Variants in UBL7 observed in about 807,000 individuals in gnomAD.
The protein encoded by UBL7 is ubiquitin-like protein 7.
UBL7 carries 21 observed loss-of-function variants against 41.7 expected under a neutral mutation model. The observed-to-expected ratio is 0.50, with a 90% CI of 0.36 to 0.73. The LOEUF is 0.73. UBL7 is among the 30% of genes least tolerant of loss of function. The pLI is 0.00. For missense variants in UBL7, 403 were observed against 478.4 expected, an observed-to-expected ratio of 0.84 and a Z score of 1.47; for synonymous variants, 157 against 186.9, an observed-to-expected ratio of 0.84 and a Z score of 1.31.
intron 5 of UBL7, 120 bp from the exon 6 acceptor site, chr15:74,450,979 A>G: frequency 9.7e-7 from 1 of 1,035,316 alleles, no homozygotes; most frequent in Non-Finnish European, 1.5e-6. Context: ...GCCAATCTTC[A>G]TGAGAAGTAG....
chr15:74,445,994 T>G lies in UBL7; in HGVS notation c.*96A>C. On this transcript the variant is annotated 3_prime_UTR_variant, in exon 11 of 11. Transcript: ENST00000395081. ...CAAAGCAGGAGAGTTGACCATCAGG[T>G]ATATTGGGGAAGGGAGAGATGGAGG... 5.4e-6 allele frequency: 8 copies of G among 1,472,628 alleles called. No homozygotes were observed. Among genetic ancestry groups the G allele is most frequent in the Non-Finnish European group, 6.4e-6 (7 of 1,087,562 alleles). The allele number at this position is 1,472,628 out of a possible 1,614,324, so 91.2% of individuals were successfully genotyped here.
chr15:74,453,415 C>CCAGGAACACAAAGGCAGA (rs2061267643), intron 3 of UBL7, among the ~76,000 whole-genome samples: 1 of 151,872 alleles, frequency 6.6e-6, no homozygotes, highest in Non-Finnish European at 1.5e-5. Context: ...AGCTAGGGTA[C>CCAGGAACACAAAGGCAGA]CAGGAACACA....
In UBL7 at chr15:74,458,847, G is replaced by C; in HGVS notation, c.21C>G (p.His7Gln). The C allele has an allele frequency of 2.5e-6, 4 of 1,611,954 alleles. No individual in the cohort carries two copies. Among genetic ancestry groups the C allele is most frequent in the Non-Finnish European group, 3.4e-6 (4 of 1,180,030 alleles). ...GCTGGTCAGCCAGCTTCACCGCCAGGTGCCAGTCTGAGAGAGACATCCTCT... is the reference window on the plus strand; with the variant it reads ...GCTGGTCAGCCAGCTTCACCGCCAGCTGCCAGTCTGAGAGAGACATCCTCT... MSLSDWHLAVKLADQPL... is the reference protein window; with the variant it reads MSLSDWQLAVKLADQPL... The change falls in exon 2 of 11, where the codon CAC (histidine) becomes CAG (glutamine). Residue 7 changes from histidine (H) to glutamine (Q), a missense_variant. His to Gln is a conservative substitution (Grantham distance 24). Coordinates refer to ENST00000395081, the MANE Select transcript of UBL7 (RefSeq NM_032907.5).
intron 2 of UBL7, among the ~76,000 whole-genome samples, chr15:74,457,199 T>G (rs1214676170): frequency 1.9e-4 from 29 of 152,204 alleles, no homozygotes. Context: ...GGCTCACACC[T>G]ATAAACCCAG....
At position 74,461,079 on chromosome 15, in the gene UBL7, C is replaced by T. The variant is rs2061345099; in HGVS notation, c.-72G>A. On this transcript the variant is annotated 5_prime_UTR_variant, in exon 1 of 11. Coordinates refer to ENST00000395081, the MANE Select transcript of UBL7 (RefSeq NM_032907.5). ...CTACTTGGCTGACACACATCGAGCC[C>T]GCGCTGCCCAGGGCCCCAGCGCCCT... The T allele has an allele frequency of 9.9e-7, 1 of 1,012,838 alleles. No individual in the cohort carries two copies. Among genetic ancestry groups the T allele is most frequent in the Non-Finnish European group, 1.2e-6 (1 of 844,514 alleles). 62.7% of individuals were successfully genotyped at this position (1,012,838 alleles called of 1,614,324 possible). A position where few individuals can be genotyped will look rare whatever the true frequency, so the allele number is the denominator to read the frequency against.
intron 1 of UBL7, among the ~76,000 whole-genome samples, chr15:74,460,402 C>T (rs2061337452): frequency 1.3e-5 from 2 of 152,180 alleles, no homozygotes; most frequent in South Asian, 4.1e-4. Context: ...CATGTAAGTA[C>T]ACACTCATAA....
intron 2 of UBL7, among the ~76,000 whole-genome samples, chr15:74,458,314 C>T (rs925003266): frequency 6.6e-6 from 1 of 152,138 alleles, no homozygotes; most frequent in African/African-American, 2.4e-5. Flanking sequence ...TGCCTGTAAT[C>T]CCAGCTACTC....
At chr15:74,450,309 G>C (rs1157911760) in intron 6 of UBL7, among the ~76,000 whole-genome samples, 1 of 152,218 alleles carries the variant, frequency 6.6e-6, no homozygotes, top group Non-Finnish European at 1.5e-5. Flanking sequence ...CCACAGGCAA[G>C]GCATGATGGG....
chr15:74,457,781 A>C (rs2061308871), intron 2 of UBL7, among the ~76,000 whole-genome samples: 1 of 151,522 alleles, frequency 6.6e-6, no homozygotes, highest in Non-Finnish European at 1.5e-5. Context: ...ATCTATCCAC[A>C]GAAAAACTCT....
intron 10 of UBL7, among the ~76,000 whole-genome samples, chr15:74,447,926 C>T (rs910344663): frequency 6.6e-6 from 1 of 152,336 alleles, no homozygotes; most frequent in Non-Finnish European, 1.5e-5. Context: ...AAACAGGTAG[C>T]TGTCTTCACC....
chr15:74,453,932 G>A (rs1241556854), intron 3 of UBL7, among the ~76,000 whole-genome samples: 1 of 152,346 alleles, frequency 6.6e-6, no homozygotes, highest in Non-Finnish European at 1.5e-5. Context: ...CAGGTAGAAG[G>A]TGGGAGGAAA....
chr15:74,454,521 C>A (rs1181268668), intron 3 of UBL7, among the ~76,000 whole-genome samples: 1 of 152,100 alleles, frequency 6.6e-6, no homozygotes, highest in African/African-American at 2.4e-5. Flanking sequence ...GCGTCAGCCT[C>A]TCAAGTAGCT....
In UBL7 at chr15:74,461,128, G is replaced by C. The variant is rs141497383; in HGVS notation, c.-121C>G. 1 of 997,152 alleles carries C rather than the reference G, an allele frequency of 1.0e-6. No individual in the cohort carries two copies. The highest frequency in any genetic ancestry group is 1.2e-6 in the Non-Finnish European group (1 of 835,704). 61.8% of individuals were successfully genotyped at this position (997,152 alleles called of 1,614,324 possible). ...CTCACCCGTCCCGCGGAAGGAACCC[G>C]GCCGCACTGCCGCCGGTGTAAACAC... On this transcript the variant is annotated 5_prime_UTR_variant, in exon 1 of 11. Coordinates refer to ENST00000395081, the MANE Select transcript of UBL7 (RefSeq NM_032907.5).
chr15:74,456,813 C>G, intron 2 of UBL7, 142 bp from the exon 3 acceptor site: 1 of 843,874 alleles, frequency 1.2e-6, no homozygotes, highest in Non-Finnish European at 1.7e-6. Flanking sequence ...TTAACAAATA[C>G]TTTTTTTTTT....
chr15:74,456,411 T>C (rs926034033), intron 3 of UBL7, 141 bp downstream of exon 3: 40 of 1,117,882 alleles, frequency 3.6e-5, no homozygotes, highest in Non-Finnish European at 5.0e-5. Flanking sequence ...TCTAATCCAA[T>C]AAGTAATAAA....
At chr15:74,451,408 A>G (rs2061244614) in intron 5 of UBL7, 28 bp downstream of exon 5, 1 of 1,599,276 alleles carries the variant, frequency 6.3e-7, no homozygotes, top group East Asian at 2.2e-5. Flanking sequence ...GACAACTCCT[A>G]TTTCCTCAAA....
chr15:74,450,669 T>C (rs2141315176), intron 6 of UBL7, 133 bp downstream of exon 6: 2 of 891,394 alleles, frequency 2.2e-6, no homozygotes, highest in Middle Eastern at 2.3e-4. Flanking sequence ...TCTCACCCCC[T>C]GACGTATCTA....
At chr15:74,451,409 T>G in intron 5 of UBL7, 27 bp downstream of exon 5, 1 of 1,601,432 alleles carries the variant, frequency 6.2e-7, no homozygotes, top group South Asian at 1.1e-5. Flanking sequence ...ACAACTCCTA[T>G]TTCCTCAAAT....
intron 5 of UBL7, 124 bp from the exon 6 acceptor site, chr15:74,450,983 G>A (rs2061240330): frequency 4.1e-6 from 4 of 971,610 alleles, no homozygotes; most frequent in South Asian, 4.1e-5. Context: ...ATCTTCATGA[G>A]AAGTAGAGGA....
Sources: gnomAD v4.1 joint callset for allele counts (sites outside exome capture counted in the v4.1 genomes callset) on GRCh38, gnomAD v4.1.1 for gene constraint, MANE v1.5 for transcripts, NCBI Gene and HGNC (gene_info 2026-07-23, HGNC 2026-07-21) for gene names.